The following NAALADL2 variants were observed in gnomAD, a reference collection of about 807,000 sequenced individuals.
NAALADL2 encodes inactive N-acetylated-alpha-linked acidic dipeptidase-like protein 2.
Under a neutral mutation model 87.2 loss-of-function variants are expected in NAALADL2, and 76 were observed. The observed-to-expected ratio is 0.87, with a 90% CI of 0.72 to 1.05. NAALADL2 has a LOEUF of 1.05. Ranked by LOEUF, NAALADL2 falls within the 50% of genes least tolerant of loss-of-function variation. NAALADL2 has a pLI of 0.00. For missense variants in NAALADL2, 1,089 were observed against 945.8 expected, an observed-to-expected ratio of 1.15 and a Z score of -1.99; for synonymous variants, 354 against 331.0, an observed-to-expected ratio of 1.07 and a Z score of -0.75.
In NAALADL2 at chr3:174,883,151, C is replaced by T. The variant is rs191532668; in HGVS notation, c.43+23701C>T. 3.9e-3 allele frequency among the ~76,000 whole-genome samples: 592 copies of T among 152,078 alleles called. 2 individuals carry two copies. The highest frequency in any genetic ancestry group is 0.014 in the African/African-American group (574 of 41,474). On this transcript the variant is annotated intron_variant, in intron 1 of 13. Coordinates refer to ENST00000454872, the MANE Select transcript of NAALADL2 (RefSeq NM_207015.3). The stretch of plus-strand genomic sequence containing the variant: ...TTTTCTTGCCTGCTTATATTCTAGC[C>T]ATGCTAGCCACTGATTAGATTGTGC...
At chr3:174,909,390 C>A (rs1217737852) in intron 1 of NAALADL2, among the ~76,000 whole-genome samples, 2 of 151,990 alleles carry the variant, frequency 1.3e-5, no homozygotes, top group Non-Finnish European at 2.9e-5. Context: ...AGCAAAATTC[C>A]ATCTCAAAAA....
intron 2 of NAALADL2, among the ~76,000 whole-genome samples, chr3:174,632,742 T>C (rs1722235411): frequency 6.6e-6 from 1 of 151,914 alleles, no homozygotes; most frequent in Non-Finnish European, 1.5e-5. Flanking sequence ...GAGACCATCC[T>C]GGTCAAATAT....
At chr3:175,151,520 C>T (rs903303110) in intron 2 of NAALADL2, among the ~76,000 whole-genome samples, 9 of 152,044 alleles carry the variant, frequency 5.9e-5, no homozygotes, top group African/African-American at 1.9e-4. Flanking sequence ...TAATTGTTTT[C>T]TAAAGGGTGA....
intron 9 of NAALADL2, among the ~76,000 whole-genome samples, chr3:175,552,934 T>C (rs1033989393): frequency 2.0e-5 from 3 of 152,150 alleles, no homozygotes; most frequent in African/African-American, 7.2e-5. Flanking sequence ...ACAAATAGGT[T>C]ATTTTTATAT....
At chr3:175,575,534 C>T (rs959051951) in intron 9 of NAALADL2, among the ~76,000 whole-genome samples, 5 of 152,104 alleles carry the variant, frequency 3.3e-5, no homozygotes, top group Non-Finnish European at 7.3e-5. Context: ...ACCCGCCTGC[C>T]TCAGCCTCCC....
rs3067029 is a variant in NAALADL2, at chr3:175,216,668, C to CT, written c.546-17245dup. On this transcript the variant is annotated intron_variant, in intron 2 of 13. Transcript: ENST00000454872. ...AATTTTTTTTCTTTTTTTTTCTTTT[C>CT]TTTTTTTTTTTTTTTTTTGAGAAGG... Among the ~76,000 whole-genome samples the CT allele has an allele frequency of 5.6e-3, 491 of 87,290 alleles. 16 individuals are homozygous for CT. The highest frequency in any genetic ancestry group is 0.016 in the African/African-American group (440 of 26,806). The allele number at this position is 87,290 out of a possible 152,430, so 57.3% of individuals were successfully genotyped here. A position where few individuals can be genotyped will look rare whatever the true frequency, so the allele number is the denominator to read the frequency against.
chr3:175,212,968 TAGC>T (rs1430256720), intron 2 of NAALADL2, among the ~76,000 whole-genome samples: 3 of 152,124 alleles, frequency 2.0e-5, no homozygotes, highest in Admixed American at 6.6e-5. Context: ...GTAGTGGTGG[TAGC>T]AGTGCATATG....
intron 5 of NAALADL2, among the ~76,000 whole-genome samples, chr3:175,415,686 A>G (rs1340360143): frequency 6.6e-6 from 1 of 152,078 alleles, no homozygotes; most frequent in Non-Finnish European, 1.5e-5. Flanking sequence ...AAATCTCAAC[A>G]CTGTTATTGT....
intron 5 of NAALADL2, among the ~76,000 whole-genome samples, chr3:175,353,048 TA>T (rs1763950182): frequency 6.6e-6 from 1 of 152,048 alleles, no homozygotes; most frequent in Admixed American, 6.6e-5. Context: ...GAATTTCTGT[TA>T]TTTTTTTAAA....
At chr3:175,433,575 G>A (rs12631556) in intron 5 of NAALADL2, among the ~76,000 whole-genome samples, 6,970 of 151,976 alleles carry the variant, frequency 0.046, 393 homozygotes, top group East Asian at 0.14. Flanking sequence ...GTGCCACTAT[G>A]GCCTTCGCTG....
At chr3:174,663,912 C>T (rs937238578) in intron 2 of NAALADL2, among the ~76,000 whole-genome samples, 14 of 151,914 alleles carry the variant, frequency 9.2e-5, no homozygotes, top group South Asian at 6.2e-4. Context: ...CTCAGCCTCC[C>T]GAGTAGCTGG....
intron 2 of NAALADL2, among the ~76,000 whole-genome samples, chr3:174,625,116 T>G (rs573254): frequency 1.4e-5 from 2 of 141,434 alleles, no homozygotes; most frequent in African/African-American, 5.2e-5. Context: ...TAGAGGGCAG[T>G]GGTACAATCA....
intron 2 of NAALADL2, among the ~76,000 whole-genome samples, chr3:175,184,535 C>T (rs977823262): frequency 3.3e-5 from 5 of 151,830 alleles, no homozygotes; most frequent in African/African-American, 9.7e-5. Context: ...ACTGAAATTT[C>T]GCCACCAAGA....
intron 1 of NAALADL2, among the ~76,000 whole-genome samples, chr3:174,882,395 A>G: frequency 6.6e-6 from 1 of 151,250 alleles, no homozygotes; most frequent in East Asian, 1.9e-4. Flanking sequence ...AGAGGAACGG[A>G]ACTAATATAA....
intron 1 of NAALADL2, among the ~76,000 whole-genome samples, chr3:174,944,739 G>A (rs1161648925): frequency 6.6e-6 from 1 of 152,148 alleles, no homozygotes; most frequent in African/African-American, 2.4e-5. Flanking sequence ...TGAAGACCCT[G>A]GTGGAGTGGG....
intron 1 of NAALADL2, among the ~76,000 whole-genome samples, chr3:175,073,801 T>C (rs1252780587): frequency 6.6e-6 from 1 of 152,002 alleles, no homozygotes; most frequent in Non-Finnish European, 1.5e-5. Flanking sequence ...ATTTTATTAT[T>C]AGTTTGATGT....
At chr3:174,748,805 G>T (rs1734535748) in intron 3 of NAALADL2, among the ~76,000 whole-genome samples, 1 of 152,092 alleles carries the variant, frequency 6.6e-6, no homozygotes, top group African/African-American at 2.4e-5. Context: ...ACTAAATCAG[G>T]TCTACAATGC....
At chr3:174,996,473 G>A (rs989559713) in intron 1 of NAALADL2, among the ~76,000 whole-genome samples, 1 of 151,110 alleles carries the variant, frequency 6.6e-6, no homozygotes, top group Non-Finnish European at 1.5e-5. Context: ...CTCCAGCCTG[G>A]GCAACAGAGC....
chr3:175,754,307 A>G (rs891173038), intron 12 of NAALADL2, among the ~76,000 whole-genome samples: 2 of 152,156 alleles, frequency 1.3e-5, no homozygotes, highest in African/African-American at 4.8e-5. Flanking sequence ...TTTAAACTCA[A>G]GTGGACTGGC....
Sources: gnomAD v4.1 joint callset for allele counts (sites outside exome capture counted in the v4.1 genomes callset) on GRCh38, gnomAD v4.1.1 for gene constraint, MANE v1.5 for transcripts, NCBI Gene and HGNC (gene_info 2026-07-23, HGNC 2026-07-21) for gene names.